TMPRSS15: variants seen among roughly 807,000 people sequenced by gnomAD.
TMPRSS15 encodes the protein transmembrane serine protease 15.
Under a neutral mutation model 125.3 loss-of-function variants are expected in TMPRSS15, and 128 were observed. The observed-to-expected ratio is 1.02, with a 90% CI of 0.89 to 1.18. The LOEUF (loss-of-function observed/expected upper bound fraction) is 1.18. Ranked by LOEUF, TMPRSS15 falls within the 50% of genes most tolerant of loss-of-function variation. TMPRSS15 has a pLI of 0.00. For missense variants in TMPRSS15, 1,283 were observed against 1,212.7 expected, an observed-to-expected ratio of 1.06 and a Z score of -0.86; for synonymous variants, 446 against 423.2, an observed-to-expected ratio of 1.05 and a Z score of -0.66.
chr21:18,352,013 C>T (rs1022475958), intron 10 of TMPRSS15, among the ~76,000 whole-genome samples: 2 of 151,954 alleles, frequency 1.3e-5, no homozygotes, highest in Admixed American at 1.3e-4. Flanking sequence ...TTCTTATCAG[C>T]AAGTCATATT....
intron 16 of TMPRSS15, 30 bp downstream of exon 16, chr21:18,326,402 T>C (rs1325363822): frequency 3.1e-6 from 5 of 1,614,110 alleles, no homozygotes; most frequent in Non-Finnish European, 1.7e-6. Context: ...CCAAAAGTTA[T>C]GATGCAATGT....
intron 10 of TMPRSS15, among the ~76,000 whole-genome samples, chr21:18,346,495 C>T (rs954074169): frequency 6.6e-6 from 1 of 152,186 alleles, no homozygotes; most frequent in African/African-American, 2.4e-5. Context: ...ACTATTACAT[C>T]TCTCCTAAGT....
rs562892904 is a variant in TMPRSS15 at position 18,303,105 on chromosome 21, GT to G, written c.2166-5277del. Among the ~76,000 whole-genome samples the G allele has an allele frequency of 5.3e-5, 8 of 152,174 alleles. No individual in the cohort carries two copies. In the South Asian group the frequency reaches 1.5e-3, roughly 28 times the overall value. Reference sequence around the variant, plus strand: ...CTTATTTCGTCAGGAAAATTACATGGTTTTTTAATGTTTTCCTTTTTGCGTG... The same window carrying G: ...CTTATTTCGTCAGGAAAATTACATGGTTTTTAATGTTTTCCTTTTTGCGTG... On this transcript the variant is annotated intron_variant, in intron 18 of 24. Coordinates refer to ENST00000284885, the MANE Select transcript of TMPRSS15 (RefSeq NM_002772.3).
At chr21:18,351,973 GC>G (rs1314846862) in intron 10 of TMPRSS15, among the ~76,000 whole-genome samples, 1 of 152,026 alleles carries the variant, frequency 6.6e-6, no homozygotes, top group Non-Finnish European at 1.5e-5. Context: ...GTTAGAGGTG[GC>G]TTTTAACGTT....
chr21:18,383,463 A>G lies in TMPRSS15; in HGVS notation c.496+164T>C, dbSNP rs371162278. Among the ~76,000 whole-genome samples the G allele has an allele frequency of 9.8e-5, 15 of 152,314 alleles. No homozygotes were observed. The East Asian group carries it at 2.5e-3, about 25-fold the overall frequency. On this transcript the variant is annotated intron_variant, in intron 4 of 24. Transcript: ENST00000284885. Reference sequence around the variant, plus strand: ...TTTTCTCATTGATAAGTTTCTTCAAATGCGGTTTCTTCAGATTTCACTTTT... The same window carrying G: ...TTTTCTCATTGATAAGTTTCTTCAAGTGCGGTTTCTTCAGATTTCACTTTT...
At chr21:18,292,620 A>G (rs2074852174) in intron 21 of TMPRSS15, among the ~76,000 whole-genome samples, 2 of 152,210 alleles carry the variant, frequency 1.3e-5, no homozygotes, top group African/African-American at 2.4e-5. Context: ...TATGTTTGGC[A>G]AGAACATTAA....
chr21:18,384,475 C>T (rs1171119111), intron 3 of TMPRSS15, among the ~76,000 whole-genome samples: 3 of 152,062 alleles, frequency 2.0e-5, no homozygotes, highest in African/African-American at 7.2e-5. Context: ...AATCATCTTC[C>T]CCCTTGATTT....
intron 14 of TMPRSS15, 120 bp downstream of exon 14, chr21:18,331,964 G>T: frequency 1.2e-6 from 1 of 800,848 alleles, no homozygotes; most frequent in East Asian, 2.5e-5. Context: ...CAATCTTATA[G>T]GTAGACATGA....
Position 18,463,940 on chromosome 21 carries a change from C to T in TMPRSS15, c.10+21859G>A, listed in dbSNP as rs151087641. ...CTGTAATCCCAGCACTTGGGGAAGC[C>T]GAGGTGGGTGGATCACGAGGTCAGG... On this transcript the variant is annotated intron_variant, in intron 1 of 7. Transcript: ENST00000422787. Among the ~76,000 whole-genome samples, 1,104 of 151,872 alleles carry T rather than the reference C, an allele frequency of 7.3e-3. 15 individuals carry two copies. The highest frequency in any genetic ancestry group is 0.025 in the African/African-American group (1,052 of 41,442).
intron 1 of TMPRSS15, among the ~76,000 whole-genome samples, chr21:18,423,409 CTTTTTT>C (rs5842689): frequency 5.4e-5 from 7 of 128,718 alleles, no homozygotes; most frequent in East Asian, 2.2e-4. Flanking sequence ...AAAATAAATT[CTTTTTT>C]TTTTTTTTTT....
intron 8 of TMPRSS15, 102 bp downstream of exon 8, chr21:18,359,655 A>T: frequency 1.7e-6 from 1 of 590,464 alleles, no homozygotes; most frequent in Non-Finnish European, 3.1e-6. Context: ...TATAAGTTTC[A>T]AGTCCATATT....
chr21:18,408,458 C>T (rs1002816510), upstream of TMPRSS15, among the ~76,000 whole-genome samples: 10 of 152,216 alleles, frequency 6.6e-5, no homozygotes, highest in African/African-American at 2.4e-4. Flanking sequence ...CTGGACATTT[C>T]AGAGACTTCT....
intron 1 of TMPRSS15, among the ~76,000 whole-genome samples, chr21:18,435,397 T>A (rs1322336517): frequency 1.3e-5 from 2 of 152,246 alleles, no homozygotes; most frequent in African/African-American, 2.4e-5. Flanking sequence ...ATCATGTGGC[T>A]TTTGTCTTTG....
At chr21:18,461,053 A>G (rs2122952209) in intron 1 of TMPRSS15, among the ~76,000 whole-genome samples, 7 of 152,040 alleles carry the variant, frequency 4.6e-5, no homozygotes, top group Admixed American at 6.6e-5. Context: ...CTTGTCTTAG[A>G]GCTTGAAAAA....
intron 18 of TMPRSS15, among the ~76,000 whole-genome samples, chr21:18,299,054 G>C (rs2074937086): frequency 6.6e-6 from 1 of 152,138 alleles, no homozygotes; most frequent in Non-Finnish European, 1.5e-5. Context: ...TTTGTAAACA[G>C]ATAAAAGTAA....
At chr21:18,279,753 G>A (rs2074669570) in intron 22 of TMPRSS15, among the ~76,000 whole-genome samples, 1 of 152,110 alleles carries the variant, frequency 6.6e-6, no homozygotes, top group Non-Finnish European at 1.5e-5. Context: ...GAAAATTATG[G>A]TAAGGATGAT....
At chr21:18,352,325 C>A (rs147252646) in intron 10 of TMPRSS15, among the ~76,000 whole-genome samples, 1 of 151,998 alleles carries the variant, frequency 6.6e-6, no homozygotes, top group African/African-American at 2.4e-5. Flanking sequence ...CACAACCTTG[C>A]CCTATTAGCA....
chr21:18,310,040 T>G (rs1392054918), intron 18 of TMPRSS15, among the ~76,000 whole-genome samples: 1 of 152,012 alleles, frequency 6.6e-6, no homozygotes. Context: ...AGAAGCTAAG[T>G]TAGGTATAGA....
Position 18,329,303 on chromosome 21 carries a change from T to C in TMPRSS15, c.1655-9A>G. ...ATTTAAAATCCAAACACCTAAAAAG[T>C]AAGAAGTAACATTTAATTTGGAACA... On this transcript the variant is annotated splice_polypyrimidine_tract_variant and intron_variant, in intron 14 of 24. Transcript: ENST00000284885. 1 of 1,607,066 alleles carries C rather than the reference T, an allele frequency of 6.2e-7. No individual in the cohort carries two copies. Among genetic ancestry groups the C allele is most frequent in the Non-Finnish European group, 8.5e-7 (1 of 1,175,954 alleles).
Sources: allele counts gnomAD v4.1 joint callset (sites outside exome capture counted in the v4.1 genomes callset), GRCh38; gene constraint gnomAD v4.1.1; transcripts MANE v1.5; gene names NCBI Gene and HGNC (gene_info 2026-07-23, HGNC 2026-07-21).